KLF12: variants seen among roughly 807,000 people sequenced by gnomAD.
The protein encoded by KLF12 is KLF transcription factor 12, also known as Krueppel-like factor 12.
Under a neutral mutation model 37.8 loss-of-function variants are expected in KLF12, and 9 were observed. That is an observed-to-expected ratio of 0.24 (90% CI 0.14 to 0.42). The LOEUF (loss-of-function observed/expected upper bound fraction) is 0.42, where lower values mean the gene tolerates loss of function less well. KLF12 is among the 10% of genes least tolerant of loss of function. The pLI, the probability that KLF12 is intolerant of heterozygous loss-of-function variation, is 1.00. For missense variants in KLF12, 411 were observed against 516.0 expected (o/e 0.80, Z 1.97); for synonymous variants, 208 against 202.1 (o/e 1.03, Z -0.25).
intron 3 of KLF12, among the ~76,000 whole-genome samples, chr13:73,882,788 C>G (rs1226995782): frequency 6.6e-6 from 1 of 152,092 alleles, no homozygotes; most frequent in African/African-American, 2.4e-5. Flanking sequence ...AAACCAGAAG[C>G]AATACAATGT....
Position 73,908,401 on chromosome 13 carries a change from C to CAAAA in KLF12, c.123+35576_123+35579dup, listed in dbSNP as rs200413877. 7.9e-3 allele frequency among the ~76,000 whole-genome samples: 1,018 copies of CAAAA among 129,216 alleles called. 14 individuals are homozygous for CAAAA. Among genetic ancestry groups the CAAAA allele is most frequent in the Middle Eastern group, 0.012 (3 of 250 alleles). 84.8% of individuals were successfully genotyped at this position (129,216 alleles called of 152,430 possible). ...TGGGTGACAGAGCGAGACTCTGTCT[C>CAAAA]AAAAAAAAAAAACAAACAAACAAAA... On this transcript the variant is annotated intron_variant, in intron 3 of 7. Transcript: ENST00000377669.
intron 6 of KLF12, among the ~76,000 whole-genome samples, chr13:73,734,678 TC>T (rs1257669404): frequency 6.6e-6 from 1 of 152,152 alleles, no homozygotes; most frequent in East Asian, 1.9e-4. Flanking sequence ...GAAAGAAACA[TC>T]CACTGATATT....
intron 3 of KLF12, among the ~76,000 whole-genome samples, chr13:73,897,307 C>T (rs1003757671): frequency 5.3e-5 from 8 of 152,162 alleles, no homozygotes; most frequent in African/African-American, 1.9e-4. Flanking sequence ...GAACTAACAG[C>T]TTTGGTAATA....
the KLF12 span, among the ~76,000 whole-genome samples, chr13:74,286,508 A>G: frequency 5.9e-5 from 9 of 152,228 alleles, no homozygotes; most frequent in African/African-American, 1.4e-4. Flanking sequence ...AAATTTTCAT[A>G]TGCACATTCT....
chr13:73,875,009 T>C (rs1886636194), intron 3 of KLF12, among the ~76,000 whole-genome samples: 2 of 152,120 alleles, frequency 1.3e-5, no homozygotes, highest in Admixed American at 1.3e-4. Context: ...TTGAGTATGG[T>C]TTACAATTAT....
At chr13:74,030,958 T>G (rs1893097156) in intron 1 of KLF12, among the ~76,000 whole-genome samples, 1 of 152,114 alleles carries the variant, frequency 6.6e-6, no homozygotes, top group African/African-American at 2.4e-5. Context: ...TACTGAAGAT[T>G]ATTAAAGTCT....
chr13:73,877,453 G>T (rs562721518), intron 3 of KLF12, among the ~76,000 whole-genome samples: 14 of 152,106 alleles, frequency 9.2e-5, no homozygotes, highest in Non-Finnish European at 1.6e-4. Flanking sequence ...CTCAGTTTTT[G>T]TTCAAAACTG....
At chr13:73,871,817 T>G (rs1025882210) in intron 3 of KLF12, among the ~76,000 whole-genome samples, 5 of 152,000 alleles carry the variant, frequency 3.3e-5, no homozygotes, top group Admixed American at 2.6e-4. Context: ...ATCCAAATTT[T>G]TCCACTTCCC....
chr13:74,042,423 TGGTAGCATTTC>T (rs1893431583), intron 1 of KLF12, among the ~76,000 whole-genome samples: 1 of 152,156 alleles, frequency 6.6e-6, no homozygotes, highest in African/African-American at 2.4e-5. Flanking sequence ...GTATCTGACC[TGGTAGCATTTC>T]ACCCTGCCAG....
chr13:73,743,774 C>G (rs1349652070), intron 6 of KLF12, among the ~76,000 whole-genome samples: 2 of 152,126 alleles, frequency 1.3e-5, no homozygotes, highest in East Asian at 3.9e-4. Context: ...AGAATAATCA[C>G]CTTATTTTTA....
chr13:73,787,671 A>C (rs1022305156), intron 5 of KLF12, among the ~76,000 whole-genome samples: 1 of 152,170 alleles, frequency 6.6e-6, no homozygotes, highest in Admixed American at 6.5e-5. Flanking sequence ...AAGTTTGGGG[A>C]TTGGAACTCA....
chr13:74,148,491 C>G, the KLF12 span, among the ~76,000 whole-genome samples: 88 of 142,820 alleles, frequency 6.2e-4, no homozygotes, highest in African/African-American at 2.1e-3. Context: ...TCACTCCCCC[C>G]CCACCCCACC....
At chr13:73,732,553 C>A (rs2137815760) in intron 6 of KLF12, among the ~76,000 whole-genome samples, 1 of 152,154 alleles carries the variant, frequency 6.6e-6, no homozygotes, top group Non-Finnish European at 1.5e-5. Flanking sequence ...TAGATAGTTG[C>A]CTAATATTAA....
chr13:73,745,957 G>A (rs763624729), intron 6 of KLF12, among the ~76,000 whole-genome samples: 10 of 152,030 alleles, frequency 6.6e-5, no homozygotes, highest in Non-Finnish European at 1.3e-4. Flanking sequence ...CGGGCAAAAC[G>A]CTGTCAGATG....
chr13:74,051,516 A>T (rs1872926091), intron 1 of KLF12, among the ~76,000 whole-genome samples: 1 of 152,116 alleles, frequency 6.6e-6, no homozygotes, highest in South Asian at 2.1e-4. Context: ...AATGAAGATA[A>T]AGAAAGTAAA....
At chr13:73,978,326 G>T (rs571634478) in intron 2 of KLF12, among the ~76,000 whole-genome samples, 1 of 152,014 alleles carries the variant, frequency 6.6e-6, no homozygotes, top group African/African-American at 2.4e-5. Context: ...CACTGAAAAA[G>T]ATATAAAGAT....
At chr13:73,724,482 T>C (rs997251127) in intron 6 of KLF12, among the ~76,000 whole-genome samples, 7 of 152,202 alleles carry the variant, frequency 4.6e-5, no homozygotes, top group African/African-American at 1.4e-4. Flanking sequence ...AGTTTTCCAC[T>C]TGAGTCTGTG....
the KLF12 span, among the ~76,000 whole-genome samples, chr13:74,222,902 G>A: frequency 6.6e-6 from 1 of 152,138 alleles, no homozygotes; most frequent in African/African-American, 2.4e-5. Flanking sequence ...TCAAACAATA[G>A]TGGAATGAAT....
chr13:73,895,977 C>A (rs1030192888), intron 3 of KLF12, among the ~76,000 whole-genome samples: 8 of 152,076 alleles, frequency 5.3e-5, no homozygotes, highest in African/African-American at 1.9e-4. Context: ...CGTGCCACCA[C>A]GCCTGACTAA....
Sources: allele counts gnomAD v4.1 joint callset (sites outside exome capture counted in the v4.1 genomes callset), GRCh38; gene constraint gnomAD v4.1.1; transcripts MANE v1.5; gene names NCBI Gene and HGNC (gene_info 2026-07-23, HGNC 2026-07-21).